The following MAP4K4 variants were observed in gnomAD, a reference collection of about 807,000 sequenced individuals.
MAP4K4 encodes mitogen-activated protein kinase kinase kinase kinase 4.
A neutral mutation model predicts 189.6 loss-of-function variants in MAP4K4; 38 were observed. The observed-to-expected ratio is 0.20, with a 90% CI of 0.15 to 0.26. The LOEUF (loss-of-function observed/expected upper bound fraction) is 0.26. Among genes scored for constraint, MAP4K4 ranks in the 10% least tolerant of loss-of-function variants. The pLI, the probability that MAP4K4 is intolerant of heterozygous loss-of-function variation, is 1.00. For synonymous variants in MAP4K4, 610 were observed against 624.3 expected, an observed-to-expected ratio of 0.98 and a Z score of 0.34; for missense variants, 1,054 against 1,726.9, an observed-to-expected ratio of 0.61 and a Z score of 6.91.
chr2:101,852,497 A>G (rs974891510), intron 12 of MAP4K4, among the ~76,000 whole-genome samples: 5 of 152,040 alleles, frequency 3.3e-5, no homozygotes, highest in African/African-American at 1.2e-4. Context: ...GTGTTGATCT[A>G]GTAACCAAAG....
intron 2 of MAP4K4, among the ~76,000 whole-genome samples, chr2:101,776,587 C>CAA: frequency 9.0e-6 from 1 of 111,102 alleles, no homozygotes; most frequent in Middle Eastern, 4.2e-3. Flanking sequence ...CCCACCCCCC[C>CAA]AAAAAAAAAC....
At chr2:101,776,012 G>T (rs1176501645) in intron 2 of MAP4K4, among the ~76,000 whole-genome samples, 2 of 152,190 alleles carry the variant, frequency 1.3e-5, no homozygotes, top group African/African-American at 4.8e-5. Flanking sequence ...TGCTTAACGT[G>T]GTGGTGTTTT....
exon 33 of MAP4K4, chr2:101,891,987 T>TAAAAAAAAAAAA (rs60620198): frequency 5.0e-5 from 3 of 59,818 alleles, no homozygotes; most frequent in Non-Finnish European, 8.4e-5. Context: ...CAGATGGTTC[T>TAAAAAAAAAAAA]AAAAAAAAAA....
At chr2:101,876,696 T>A (rs148186907) in intron 26 of MAP4K4, among the ~76,000 whole-genome samples, 7 of 152,304 alleles carry the variant, frequency 4.6e-5, no homozygotes, top group African/African-American at 1.7e-4. Flanking sequence ...GCATATAACA[T>A]TCTCGAGGAA....
exon 32 of MAP4K4, chr2:101,888,907 T>C (rs769574320): frequency 6.2e-7 from 1 of 1,612,854 alleles, no homozygotes; most frequent in Non-Finnish European, 8.5e-7. Context: ...GCTCAAAGAC[T>C]AAAATTCTTG....
intron 2 of MAP4K4, among the ~76,000 whole-genome samples, chr2:101,714,626 A>T (rs891313193): frequency 2.6e-5 from 4 of 152,230 alleles, no homozygotes; most frequent in Non-Finnish European, 5.9e-5. Flanking sequence ...CACTGATACC[A>T]GCCAACTCTA....
intron 3 of MAP4K4, among the ~76,000 whole-genome samples, chr2:101,798,623 A>G (rs1033244488): frequency 2.6e-5 from 4 of 152,214 alleles, no homozygotes; most frequent in Non-Finnish European, 4.4e-5. Context: ...CTACAGGAGT[A>G]TAGCAGTGGT....
chr2:101,707,035 A>T (rs544842064), intron 2 of MAP4K4, among the ~76,000 whole-genome samples: 1 of 151,968 alleles, frequency 6.6e-6, no homozygotes, highest in African/African-American at 2.4e-5. Flanking sequence ...AAATATGCAA[A>T]CTTTCATCAG....
In MAP4K4 at chr2:101,859,640, A is replaced by G. The variant is rs2097577316; in HGVS notation, c.1483-3A>G. On this transcript the variant is annotated splice_polypyrimidine_tract_variant and splice_region_variant and intron_variant, in intron 14 of 32. Transcript: ENST00000324219. ...ATTTAGTGTTATCCTCTCCCTCTCC[A>G]AGGAGTGCCGATGGCGGGAGATGGA... 1.9e-6 allele frequency: 3 copies of G among 1,598,516 alleles called. No individual in the cohort carries two copies. The highest frequency in any genetic ancestry group is 2.6e-6 in the Non-Finnish European group (3 of 1,171,138).
At chr2:101,755,367 G>C (rs1200670670) in intron 2 of MAP4K4, among the ~76,000 whole-genome samples, 1 of 152,098 alleles carries the variant, frequency 6.6e-6, no homozygotes, top group Non-Finnish European at 1.5e-5. Context: ...AAAGGAAAAG[G>C]CTGGCTGGTC....
rs113075145 is a variant in MAP4K4, at chr2:101,834,543, A to T, written c.694+80A>T. 53 of 1,087,240 alleles carry T rather than the reference A, an allele frequency of 4.9e-5. No homozygotes were observed. In the African/African-American group the frequency reaches 6.6e-4, roughly 13 times the overall value. 67.3% of individuals were successfully genotyped at this position (1,087,240 alleles called of 1,614,324 possible). ...CCCAAGACTTCAAAAAGAACAGCTC[A>T]GCTCCATGGATAAAGGCATTTCTGG... On this transcript the variant is annotated intron_variant, in intron 8 of 32. Transcript: ENST00000324219.
At chr2:101,877,007 G>C (rs767479615) in exon 27 of MAP4K4, 1 of 1,613,926 alleles carries the variant, frequency 6.2e-7, no homozygotes, top group Admixed American at 1.7e-5. Context: ...AAACAGGAGT[G>C]AATTTGCTAG....
chr2:101,757,046 C>G (rs2073233598), intron 2 of MAP4K4, among the ~76,000 whole-genome samples: 1 of 152,042 alleles, frequency 6.6e-6, no homozygotes, highest in Non-Finnish European at 1.5e-5. Flanking sequence ...TGTTGGACTT[C>G]TAAGGTCTCA....
intron 24 of MAP4K4, among the ~76,000 whole-genome samples, chr2:101,873,318 A>C (rs920468192): frequency 1.3e-5 from 2 of 152,204 alleles, no homozygotes; most frequent in Admixed American, 6.5e-5. Context: ...GACCTCCTTT[A>C]GGAGTTTCAT....
At chr2:101,747,437 C>T (rs2066225837) in intron 2 of MAP4K4, among the ~76,000 whole-genome samples, 1 of 152,080 alleles carries the variant, frequency 6.6e-6, no homozygotes, top group Non-Finnish European at 1.5e-5. Flanking sequence ...TATTCTTAGT[C>T]AAGAATGGTG....
At chr2:101,731,183 C>T (rs1329287055) in intron 2 of MAP4K4, among the ~76,000 whole-genome samples, 3 of 151,858 alleles carry the variant, frequency 2.0e-5, no homozygotes, top group Admixed American at 1.3e-4. Flanking sequence ...GTGGCGCGAT[C>T]TCGGCTCACT....
intron 3 of MAP4K4, among the ~76,000 whole-genome samples, chr2:101,805,028 C>T (rs927177735): frequency 7.1e-6 from 1 of 141,350 alleles, no homozygotes; most frequent in African/African-American, 2.7e-5. Context: ...GAGCTGAGAT[C>T]GCACCATGCA....
At chr2:101,834,542 C>T in intron 8 of MAP4K4, 79 bp downstream of exon 8, 3 of 1,107,008 alleles carry the variant, frequency 2.7e-6, no homozygotes, top group South Asian at 2.7e-5. Context: ...AAGAACAGCT[C>T]AGCTCCATGG....
intron 2 of MAP4K4, among the ~76,000 whole-genome samples, chr2:101,702,435 G>A (rs1209157924): frequency 6.6e-6 from 1 of 152,024 alleles, no homozygotes; most frequent in South Asian, 2.1e-4. Context: ...CGGGTGTAGT[G>A]GGGGGTGCCT....
Sources: gnomAD v4.1 joint callset for allele counts (sites outside exome capture counted in the v4.1 genomes callset) on GRCh38, gnomAD v4.1.1 for gene constraint, MANE v1.5 for transcripts, NCBI Gene and HGNC (gene_info 2026-07-23, HGNC 2026-07-21) for gene names.